The following LTBP2 variants were observed in gnomAD, a reference collection of about 807,000 sequenced individuals.
LTBP2 encodes the protein latent-transforming growth factor beta-binding protein 2.
In LTBP2, 103 loss-of-function variants were observed where a neutral mutation model predicts 210.6. The ratio of observed to expected loss-of-function variants is 0.49; its 90% CI spans 0.42 to 0.58. The LOEUF (loss-of-function observed/expected upper bound fraction) is 0.58. LTBP2 is among the 20% of genes least tolerant of loss of function. The probability of loss-of-function intolerance (pLI) is 0.00; values close to 1 mark genes in which losing one functional copy is unlikely to be tolerated. For missense variants in LTBP2, 2,313 were observed against 2,494.5 expected, an observed-to-expected ratio of 0.93 and a Z score of 1.55; for synonymous variants, 1,007 against 1,015.0, an observed-to-expected ratio of 0.99 and a Z score of 0.15.
chr14:74,564,918 C>G (rs1172781397), intron 3 of LTBP2, among the ~76,000 whole-genome samples: 1 of 152,150 alleles, frequency 6.6e-6, no homozygotes, highest in Admixed American at 6.5e-5. Flanking sequence ...CTAAATCTAC[C>G]ATTAATCGTT....
At chr14:74,604,326 C>T (rs948449749) in intron 1 of LTBP2, among the ~76,000 whole-genome samples, 7 of 152,070 alleles carry the variant, frequency 4.6e-5, no homozygotes, top group African/African-American at 7.2e-5. Flanking sequence ...TCTCAGCCCC[C>T]GGCAGTCTGG....
intron 12 of LTBP2, 60 bp downstream of exon 12, chr14:74,528,423 G>A: frequency 6.3e-7 from 1 of 1,577,882 alleles, no homozygotes; most frequent in South Asian, 1.1e-5. Flanking sequence ...ACACTTCTCT[G>A]AGGTGCTGGA....
chr14:74,537,772 T>G (rs141366763), intron 8 of LTBP2, among the ~76,000 whole-genome samples: 6,153 of 152,262 alleles, frequency 0.04, 202 homozygotes, highest in African/African-American at 0.089. Flanking sequence ...TTCTTTTTTT[T>G]GAGATGGAGT....
At chr14:74,592,321 C>T (rs1192933506) in intron 2 of LTBP2, among the ~76,000 whole-genome samples, 1 of 152,156 alleles carries the variant, frequency 6.6e-6, no homozygotes, top group Non-Finnish European at 1.5e-5. Flanking sequence ...GGTGGGCCAG[C>T]GAGTCTTCAT....
At chr14:74,575,912 T>C (rs2096309200) in intron 3 of LTBP2, among the ~76,000 whole-genome samples, 1 of 152,222 alleles carries the variant, frequency 6.6e-6, no homozygotes, top group Non-Finnish European at 1.5e-5. Flanking sequence ...CTAACCCCTC[T>C]GAGCCCTCCC....
At chr14:74,600,091 G>C (rs1045135379) in intron 2 of LTBP2, among the ~76,000 whole-genome samples, 1 of 152,180 alleles carries the variant, frequency 6.6e-6, no homozygotes, top group Non-Finnish European at 1.5e-5. Flanking sequence ...CAGCTGACGG[G>C]GTGTGGAGCC....
In LTBP2 at chr14:74,507,149, C is replaced by T. The variant is rs780072184; in HGVS notation, c.3907+30G>A. ...GTGAAAAATAGGTTTTCTCAGCCCT[C>T]TCTCCTCTCTCTCCTCCCTCCCTAC... is the stretch of plus-strand genomic sequence containing the variant. On this transcript the variant is annotated intron_variant, in intron 26 of 35. Transcript: ENST00000261978. The T allele has an allele frequency of 2.5e-6, 4 of 1,614,046 alleles. 1 individual carries two copies. In the South Asian group the frequency reaches 4.4e-5, roughly 18 times the overall value.
intron 1 of LTBP2, among the ~76,000 whole-genome samples, chr14:74,604,743 G>A (rs563741909): frequency 3.3e-5 from 5 of 151,992 alleles, no homozygotes; most frequent in African/African-American, 1.2e-4. Context: ...CACCCACCTC[G>A]GCCTCCCAAA....
At chr14:74,537,823 C>T (rs1159282656) in intron 8 of LTBP2, among the ~76,000 whole-genome samples, 2 of 152,102 alleles carry the variant, frequency 1.3e-5, no homozygotes, top group Non-Finnish European at 2.9e-5. Flanking sequence ...GGCGTGACCT[C>T]GGCTCACTGC....
In LTBP2 at chr14:74,555,509, G is replaced by T. The variant is rs149632889; in HGVS notation, c.1015C>A (p.Pro339Thr). The T allele has an allele frequency of 1.9e-6, 3 of 1,613,558 alleles. No individual in the cohort carries two copies. The highest frequency in any genetic ancestry group is 2.5e-6 in the Non-Finnish European group (3 of 1,179,752). ...CAAGACAGGGTATCCTTACCCCAGG[G>T]GGATGAGGGGTGCTCCAGAGGTACC... ...QAVPLEHPSS[P>T]WGLNLTEKIK... is the part of the protein sequence containing the mutation. The change falls in exon 4 of 36, where the codon CCC (proline) becomes ACC (threonine). Residue 339 changes from proline (P) to threonine (T), a missense_variant. Transcript: ENST00000261978.
intron 5 of LTBP2, 95 bp downstream of exon 5, chr14:74,552,797 G>A: frequency 6.9e-7 from 1 of 1,453,174 alleles, no homozygotes; most frequent in South Asian, 1.2e-5. Context: ...GCCACAGTTT[G>A]GGAGCAGCGG....
chr14:74,506,260 C>T (rs1411649356), intron 27 of LTBP2, 69 bp from the exon 28 acceptor site: 3 of 1,600,678 alleles, frequency 1.9e-6, no homozygotes, highest in Non-Finnish European at 2.6e-6. Context: ...CTGACTACAG[C>T]CCACTGCCCC....
intron 3 of LTBP2, among the ~76,000 whole-genome samples, chr14:74,569,516 C>T (rs746219169): frequency 1.4e-4 from 21 of 152,144 alleles, no homozygotes; most frequent in Non-Finnish European, 2.5e-4. Context: ...TGGGTTTCCC[C>T]TGGCTATTAG....
chr14:74,526,745 G>A (rs973675987), intron 13 of LTBP2, among the ~76,000 whole-genome samples: 21 of 152,176 alleles, frequency 1.4e-4, no homozygotes, highest in African/African-American at 4.8e-4. Flanking sequence ...AGGCTGGAGG[G>A]GCAGGGGACA....
chr14:74,529,051 A>C lies in LTBP2; in HGVS notation c.2059T>G (p.Leu687Val). The C allele has an allele frequency of 8.3e-6, 13 of 1,572,048 alleles. No homozygotes were observed. Among genetic ancestry groups the C allele is most frequent in the Non-Finnish European group, 1.1e-5 (13 of 1,158,534 alleles). Residue 687 changes from leucine to valine, a missense_variant, in exon 11 of 36, where the codon TTG becomes GTG. This residue lies in a region of LTBP2 where 1,867 missense variants were observed against 1,976.9 expected (regional missense o/e 0.94). Coordinates refer to ENST00000261978, the MANE Select transcript of LTBP2 (RefSeq NM_000428.3). ...SLGPGTCTLPLAQRITKQICC... is the reference protein window; with the variant it reads ...SLGPGTCTLPVAQRITKQICC... ...ATCTGCTTGGTGATCCGCTGGGCCA[A>C]AGGCAGGGTGCAGGTGCCGGGCCCC...
At chr14:74,536,425 T>C (rs4903234) in intron 8 of LTBP2, among the ~76,000 whole-genome samples, 103,867 of 152,116 alleles carry the variant, frequency 0.68, 36,559 homozygotes, top group Non-Finnish European at 0.78. Context: ...TTAATAACAG[T>C]GTCTTGTATT....
At chr14:74,522,699 C>A (rs922895693) in intron 16 of LTBP2, 91 bp downstream of exon 16, 98 of 1,459,334 alleles carry the variant, frequency 6.7e-5, no homozygotes, top group Non-Finnish European at 8.9e-5. Flanking sequence ...CTTGGACCTT[C>A]TGCTTCTTCC....
intron 1 of LTBP2, among the ~76,000 whole-genome samples, chr14:74,610,097 C>G (rs554113707): frequency 1.3e-5 from 2 of 152,338 alleles, no homozygotes; most frequent in South Asian, 4.1e-4. Context: ...CCAACCAGTG[C>G]AGGCACTATT....
chr14:74,569,183 G>GGAGGGAGA (rs1377192304), intron 3 of LTBP2, among the ~76,000 whole-genome samples: 16 of 148,380 alleles, frequency 1.1e-4, no homozygotes, highest in Non-Finnish European at 2.1e-4. Context: ...AAGCAGGGAG[G>GGAGGGAGA]GAGGGAGGGA....
Sources: gnomAD v4.1 joint callset for allele counts (sites outside exome capture counted in the v4.1 genomes callset) on GRCh38, gnomAD v4.1.1 for gene constraint, gnomAD v4.1.1 regional missense constraint, MANE v1.5 for transcripts, NCBI Gene and HGNC (gene_info 2026-07-23, HGNC 2026-07-21) for gene names.